GABRB1: variants seen among roughly 807,000 people sequenced by gnomAD.
GABRB1 encodes gamma-aminobutyric acid type A receptor subunit beta1.
Under a neutral mutation model 51.6 loss-of-function variants are expected in GABRB1, and 17 were observed. That is an observed-to-expected ratio of 0.33 (90% CI 0.23 to 0.49). The LOEUF is 0.49. GABRB1 is among the 20% of genes least tolerant of loss of function. The pLI is 0.99. For missense variants in GABRB1, 410 were observed against 600.6 expected, an observed-to-expected ratio of 0.68 and a Z score of 3.32; for synonymous variants, 247 against 218.9, an observed-to-expected ratio of 1.13 and a Z score of -1.14.
intron 4 of GABRB1, among the ~76,000 whole-genome samples, chr4:47,296,096 C>A (rs1723980749): frequency 6.6e-6 from 1 of 152,154 alleles, no homozygotes; most frequent in Admixed American, 6.5e-5. Flanking sequence ...CCTAAAAGAG[C>A]TCCTGAAGGA....
chr4:47,120,648 G>C (rs763223570), intron 3 of GABRB1, among the ~76,000 whole-genome samples: 5 of 152,152 alleles, frequency 3.3e-5, no homozygotes, highest in African/African-American at 4.8e-5. Flanking sequence ...CCTAGTTACA[G>C]GTACTGATTA....
chr4:47,155,513 A>G (rs1717649100), intron 3 of GABRB1, among the ~76,000 whole-genome samples: 1 of 151,994 alleles, frequency 6.6e-6, no homozygotes, highest in South Asian at 2.1e-4. Flanking sequence ...TGGATGCTCT[A>G]TTACTAGATG....
At chr4:47,214,497 T>C (rs1720479500) in intron 4 of GABRB1, among the ~76,000 whole-genome samples, 1 of 152,174 alleles carries the variant, frequency 6.6e-6, no homozygotes, top group Non-Finnish European at 1.5e-5. Context: ...ACTCTCCTTG[T>C]GACTTTGTAG....
At chr4:47,141,858 C>T (rs1716952191) in intron 3 of GABRB1, among the ~76,000 whole-genome samples, 1 of 151,906 alleles carries the variant, frequency 6.6e-6, no homozygotes, top group Non-Finnish European at 1.5e-5. Context: ...GTAAAGATAG[C>T]TCTGGGCCAA....
intron 3 of GABRB1, among the ~76,000 whole-genome samples, chr4:47,052,850 A>T (rs553576732): frequency 1.3e-5 from 2 of 152,336 alleles, no homozygotes; most frequent in South Asian, 4.1e-4. Context: ...CAACAGAAAG[A>T]AAAAATAGAG....
chr4:47,173,799 C>T (rs1165983335), intron 4 of GABRB1, among the ~76,000 whole-genome samples: 1 of 152,132 alleles, frequency 6.6e-6, no homozygotes, highest in Non-Finnish European at 1.5e-5. Flanking sequence ...TTCTAAAGTG[C>T]AATTTCATCA....
At chr4:47,360,648 C>G (rs1726774964) in intron 5 of GABRB1, among the ~76,000 whole-genome samples, 3 of 151,992 alleles carry the variant, frequency 2.0e-5, no homozygotes, top group Admixed American at 2.0e-4. Flanking sequence ...AATAGCATGA[C>G]TACTATTTTA....
chr4:47,276,700 T>C (rs1040794693), intron 4 of GABRB1, among the ~76,000 whole-genome samples: 1 of 152,150 alleles, frequency 6.6e-6, no homozygotes, highest in African/African-American at 2.4e-5. Flanking sequence ...CTAAATCTTA[T>C]TACGCTAATG....
At chr4:47,081,921 T>G (rs533033662) in intron 3 of GABRB1, among the ~76,000 whole-genome samples, 3 of 152,234 alleles carry the variant, frequency 2.0e-5, no homozygotes, top group Non-Finnish European at 4.4e-5. Flanking sequence ...TTCTCTGGGC[T>G]CCATTTTCTT....
intron 2 of GABRB1, among the ~76,000 whole-genome samples, 159 bp from the exon 3 acceptor site, chr4:47,032,258 C>A (rs1725350061): frequency 6.6e-6 from 1 of 152,052 alleles, no homozygotes; most frequent in Admixed American, 6.5e-5. Flanking sequence ...CACGCGTGTG[C>A]CCACACCTGT....
At chr4:47,236,161 T>A (rs1651214793) in intron 4 of GABRB1, among the ~76,000 whole-genome samples, 1 of 152,302 alleles carries the variant, frequency 6.6e-6, no homozygotes, top group Admixed American at 6.5e-5. Flanking sequence ...TAAATTTTAT[T>A]CAATTAAATT....
chr4:47,309,171 C>G (rs1428811610), intron 4 of GABRB1, among the ~76,000 whole-genome samples: 1 of 152,080 alleles, frequency 6.6e-6, no homozygotes, highest in East Asian at 1.9e-4. Flanking sequence ...CTCAGCCAGA[C>G]ATTCATGGTA....
chr4:47,393,969 A>T (rs1728094945), intron 5 of GABRB1, among the ~76,000 whole-genome samples: 1 of 152,236 alleles, frequency 6.6e-6, no homozygotes, highest in South Asian at 2.1e-4. Context: ...GGTATGTTTG[A>T]TGCCATCCCT....
intron 8 of GABRB1, among the ~76,000 whole-genome samples, chr4:47,412,639 A>G (rs1478378443): frequency 6.6e-6 from 1 of 152,174 alleles, no homozygotes; most frequent in Non-Finnish European, 1.5e-5. Flanking sequence ...CTCAACGCCA[A>G]GGAAATCAAG....
chr4:47,300,149 G>T (rs1724198769), intron 4 of GABRB1, among the ~76,000 whole-genome samples: 1 of 151,396 alleles, frequency 6.6e-6, no homozygotes, highest in African/African-American at 2.4e-5. Flanking sequence ...TAAATGACAA[G>T]TTAATGGGTG....
rs1578097125 is a variant in GABRB1, at chr4:47,327,554, T to C, written c.544+7345T>C. 2.0e-5 allele frequency among the ~76,000 whole-genome samples: 3 copies of C among 152,270 alleles called. No individual in the cohort carries two copies. The East Asian group carries it at 5.8e-4, about 29-fold the overall frequency. ...CTTCCTACTTACACTATGACCAAGT[T>C]TTCAGACAAAGGTAACACTTAGTGA... On this transcript the variant is annotated intron_variant, in intron 5 of 8. Coordinates refer to ENST00000295454, the MANE Select transcript of GABRB1 (RefSeq NM_000812.4).
intron 3 of GABRB1, among the ~76,000 whole-genome samples, chr4:47,062,719 TAAAC>T (rs1326853936): frequency 6.6e-6 from 1 of 152,180 alleles, no homozygotes; most frequent in African/African-American, 2.4e-5. Flanking sequence ...GCTCTTGTAA[TAAAC>T]AAGGCGTCCT....
intron 1 of GABRB1, among the ~76,000 whole-genome samples, chr4:46,998,030 C>T (rs1015682840): frequency 1.3e-5 from 2 of 152,170 alleles, no homozygotes; most frequent in African/African-American, 4.8e-5. Context: ...TACCAGCTTA[C>T]ATTCCCACCA....
intron 4 of GABRB1, among the ~76,000 whole-genome samples, chr4:47,290,824 G>A (rs62304009): frequency 6.6e-5 from 10 of 152,246 alleles, no homozygotes; most frequent in African/African-American, 1.9e-4. Flanking sequence ...TCTCCAAGCA[G>A]CAAAGCATTC....
Sources: gnomAD v4.1 joint callset for allele counts (sites outside exome capture counted in the v4.1 genomes callset) on GRCh38, gnomAD v4.1.1 for gene constraint, MANE v1.5 for transcripts, NCBI Gene and HGNC (gene_info 2026-07-23, HGNC 2026-07-21) for gene names.